Variants in ABI3BP observed in about 807,000 individuals in gnomAD.
ABI3BP encodes the protein target of Nesh-SH3.
In ABI3BP, 216 loss-of-function variants were observed where a neutral mutation model predicts 268.6. The ratio of observed to expected loss-of-function variants is 0.80; its 90% CI spans 0.72 to 0.90. The LOEUF is 0.90. Ranked by LOEUF, ABI3BP falls within the 40% of genes least tolerant of loss-of-function variation. The probability of loss-of-function intolerance (pLI) is 0.00; values close to 1 mark genes in which losing one functional copy is unlikely to be tolerated. For synonymous variants in ABI3BP, 730 were observed against 730.0 expected, an observed-to-expected ratio of 1.00 and a Z score of 0.00; for missense variants, 2,090 against 2,182.4, an observed-to-expected ratio of 0.96 and a Z score of 0.84.
intron 1 of ABI3BP, chr3:100,930,716 C>T (rs978849290): frequency 6.6e-6 from 1 of 151,852 alleles, no homozygotes; most frequent in African/African-American, 2.4e-5. Context: ...GCCTACCAAC[C>T]TGAAAAGGCC....
intron 3 of ABI3BP, among the ~76,000 whole-genome samples, chr3:100,901,633 G>A (rs1043321818): frequency 6.6e-6 from 1 of 152,068 alleles, no homozygotes; most frequent in Non-Finnish European, 1.5e-5. Context: ...GGGCCTGGTG[G>A]TGGGCGCCTG....
chr3:100,794,341 T>C (rs1348116495), intron 54 of ABI3BP, among the ~76,000 whole-genome samples: 1 of 151,962 alleles, frequency 6.6e-6, no homozygotes, highest in African/African-American at 2.4e-5. Context: ...TTCTAATCTG[T>C]AAAATGGAAC....
intron 6 of ABI3BP, among the ~76,000 whole-genome samples, chr3:100,879,745 AT>A: frequency 6.6e-6 from 1 of 152,118 alleles, no homozygotes; most frequent in Non-Finnish European, 1.5e-5. Flanking sequence ...GAAGAATGCA[AT>A]TTTTTTTCTA....
Position 100,895,661 on chromosome 3 carries a change from A to T in ABI3BP, c.461+3101T>A, listed in dbSNP as rs1258621265. On this transcript the variant is annotated intron_variant, in intron 4 of 67. Coordinates refer to ENST00000471714, the MANE Select transcript of ABI3BP (RefSeq NM_001375547.2). ...GCATTCAGATTGCAATGGTTTTGTA[A>T]AAAGATACTCCTGAAGTAAAACTTT... Among the ~76,000 whole-genome samples the T allele has an allele frequency of 2.0e-5, 3 of 152,208 alleles. No individual in the cohort carries two copies. In the East Asian group the frequency reaches 5.8e-4, roughly 29 times the overall value.
At chr3:100,902,767 A>T in intron 2 of ABI3BP, 81 bp from the exon 3 acceptor site, 1 of 1,154,376 alleles carries the variant, frequency 8.7e-7, no homozygotes, top group Non-Finnish European at 1.3e-6. Flanking sequence ...CTGATTCAGC[A>T]TTCCCTGAGT....
intron 3 of ABI3BP, among the ~76,000 whole-genome samples, chr3:100,899,964 C>T (rs1306069694): frequency 6.6e-6 from 1 of 152,164 alleles, no homozygotes; most frequent in Non-Finnish European, 1.5e-5. Context: ...GAATCAAATG[C>T]TCTTGAAAAT....
At chr3:100,788,861 CT>C (rs2097123429) in intron 56 of ABI3BP, among the ~76,000 whole-genome samples, 1 of 152,044 alleles carries the variant, frequency 6.6e-6, no homozygotes, top group South Asian at 2.1e-4. Flanking sequence ...TGTGGTCCAA[CT>C]TGTGCCTCAG....
At chr3:100,833,055 T>C (rs2098519170) in intron 30 of ABI3BP, 70 bp downstream of exon 30, 1 of 1,340,734 alleles carries the variant, frequency 7.5e-7, no homozygotes, top group Non-Finnish European at 1.0e-6. Context: ...CAATAGCCTA[T>C]ATAGCACCAT....
At chr3:100,845,705 A>G (rs1172415602) in intron 20 of ABI3BP, among the ~76,000 whole-genome samples, 1 of 152,150 alleles carries the variant, frequency 6.6e-6, no homozygotes, top group African/African-American at 2.4e-5. Context: ...TTATAAGTCA[A>G]CATTTAAAAC....
chr3:100,817,550 C>G, intron 41 of ABI3BP, 55 bp from the exon 42 acceptor site: 1 of 1,297,548 alleles, frequency 7.7e-7, no homozygotes, highest in Non-Finnish European at 1.0e-6. Context: ...ATTAATTTCA[C>G]AGTTCAATTT....
chr3:100,758,578 C>G (rs558077025), intron 63 of ABI3BP, among the ~76,000 whole-genome samples: 7 of 152,080 alleles, frequency 4.6e-5, no homozygotes, highest in African/African-American at 9.6e-5. Flanking sequence ...TTGGAAAGAT[C>G]GAAAATTTAA....
chr3:100,800,395 A>G (rs2097498647), intron 51 of ABI3BP, among the ~76,000 whole-genome samples: 1 of 152,200 alleles, frequency 6.6e-6, no homozygotes, highest in Non-Finnish European at 1.5e-5. Context: ...CTTCAAACAT[A>G]TGAATCCAAT....
chr3:100,751,604 TA>T lies in ABI3BP; in HGVS notation c.5192del (p.Leu1731Ter). 1 of 1,600,752 alleles carries T rather than the reference TA, an allele frequency of 6.2e-7. No homozygotes were observed. Among genetic ancestry groups the T allele is most frequent in the Non-Finnish European group, 8.5e-7 (1 of 1,172,746 alleles). On this transcript the variant is annotated frameshift_variant, in exon 67 of 68. Coordinates refer to ENST00000471714, the MANE Select transcript of ABI3BP (RefSeq NM_001375547.2). LOFTEE classifies it high-confidence loss of function. Reference protein sequence around the residue: ...EDHCQFVDSFLDGRTGQQLTS... With the variant: ...EDHCQFVDSFXDGRTGQQLTS... ...TGAGTTGCTGCCCAGTGCGTCCATC[TA>T]AAAATGAATCCACAAACTGGCAGTG...
intron 2 of ABI3BP, among the ~76,000 whole-genome samples, chr3:100,913,658 T>C (rs1173954330): frequency 1.3e-5 from 2 of 152,200 alleles, no homozygotes; most frequent in East Asian, 3.8e-4. Context: ...CTTTACTATG[T>C]TAATACATAC....
intron 1 of ABI3BP, among the ~76,000 whole-genome samples, chr3:100,939,353 T>C (rs1247072983): frequency 1.3e-5 from 2 of 150,878 alleles, no homozygotes; most frequent in Admixed American, 1.3e-4. Flanking sequence ...TTTATCTTTA[T>C]CTATTTTATC....
chr3:100,896,030 T>C (rs1292988541), intron 4 of ABI3BP, among the ~76,000 whole-genome samples: 1 of 152,234 alleles, frequency 6.6e-6, no homozygotes, highest in Non-Finnish European at 1.5e-5. Flanking sequence ...TACTCCTTTT[T>C]AGTCATTACT....
At chr3:100,904,126 C>A (rs1372792371) in intron 2 of ABI3BP, among the ~76,000 whole-genome samples, 1 of 152,154 alleles carries the variant, frequency 6.6e-6, no homozygotes, top group Admixed American at 6.5e-5. Flanking sequence ...TATTGAGAAC[C>A]TTATATTCAT....
rs1202941784 is a variant in ABI3BP, at chr3:100,843,537, G to GTC, written c.1724-1499_1724-1498insGA. On this transcript the variant is annotated intron_variant, in intron 20 of 67. Coordinates refer to ENST00000471714, the MANE Select transcript of ABI3BP (RefSeq NM_001375547.2). ...GGAGAGGATGTGTGTGTGTGTGTGT[G>GTC]TGTGTGAGAGAGAGAGAGAGAGAGA... is the stretch of plus-strand genomic sequence containing the variant. The GTC allele has an allele frequency of 4.6e-6, 4 of 867,782 alleles. No individual in the cohort carries two copies. The African/African-American group carries it at 8.8e-5, about 19-fold the overall frequency. 53.8% of individuals were successfully genotyped at this position (867,782 alleles called of 1,614,324 possible). A position where few individuals can be genotyped will look rare whatever the true frequency, so the allele number is the denominator to read the frequency against.
chr3:100,795,304 T>TCC (rs2097312162), intron 53 of ABI3BP, among the ~76,000 whole-genome samples: 1 of 151,944 alleles, frequency 6.6e-6, no homozygotes, highest in Non-Finnish European at 1.5e-5. Flanking sequence ...TGTCCCTCTC[T>TCC]CCCCCGTTCA....
Sources: gnomAD v4.1 joint callset for allele counts (sites outside exome capture counted in the v4.1 genomes callset) on GRCh38, gnomAD v4.1.1 for gene constraint, MANE v1.5 for transcripts, NCBI Gene and HGNC (gene_info 2026-07-23, HGNC 2026-07-21) for gene names.